The following ST8SIA2 variants were observed in gnomAD, a reference collection of about 807,000 sequenced individuals.
ST8SIA2 encodes the protein alpha-2,8-sialyltransferase 8B.
A neutral mutation model predicts 37.6 loss-of-function variants in ST8SIA2; 22 were observed. The ratio of observed to expected loss-of-function variants is 0.58; its 90% CI spans 0.42 to 0.83. The LOEUF (loss-of-function observed/expected upper bound fraction) is 0.83, where lower values mean the gene tolerates loss of function less well. ST8SIA2 is among the 40% of genes least tolerant of loss of function. The pLI is 0.00. For synonymous variants in ST8SIA2, 205 were observed against 201.2 expected (o/e 1.02, Z -0.16); for missense variants, 382 against 484.7 (o/e 0.79, Z 1.99).
At chr15:92,438,208 T>C in intron 3 of ST8SIA2, 145 bp from the exon 4 acceptor site, 1 of 1,239,134 alleles carries the variant, frequency 8.1e-7, no homozygotes, top group Non-Finnish European at 1.2e-6. Flanking sequence ...GAACCTGTTC[T>C]CGAGGGCATC....
intron 4 of ST8SIA2, among the ~76,000 whole-genome samples, chr15:92,443,212 T>C (rs1047796523): frequency 6.6e-6 from 1 of 152,178 alleles, no homozygotes; most frequent in African/African-American, 2.4e-5. Flanking sequence ...ATTTTTACAC[T>C]CTTAACTGGA....
intron 4 of ST8SIA2, among the ~76,000 whole-genome samples, chr15:92,441,577 GCACACACACACACACACACACACACACA>G (rs112388744): frequency 1.4e-5 from 2 of 143,364 alleles, no homozygotes; most frequent in South Asian, 2.4e-4. Context: ...CACTGTGCAT[GCACACACACACACACACACACACACACA>G]CACACACACA....
intron 1 of ST8SIA2, among the ~76,000 whole-genome samples, chr15:92,420,108 G>A (rs1285435496): frequency 1.3e-5 from 2 of 152,128 alleles, no homozygotes; most frequent in Non-Finnish European, 2.9e-5. Context: ...TTCGTGATCT[G>A]CCTGCCTTGG....
At chr15:92,419,863 T>C (rs776922130) in intron 1 of ST8SIA2, among the ~76,000 whole-genome samples, 1 of 152,152 alleles carries the variant, frequency 6.6e-6, no homozygotes. Context: ...CTGTTTTTTG[T>C]TGTTGCTTTG....
chr15:92,399,864 G>A (rs1210521707), intron 1 of ST8SIA2, among the ~76,000 whole-genome samples: 6 of 152,228 alleles, frequency 3.9e-5, no homozygotes, highest in Admixed American at 3.9e-4. Context: ...TGGAAATGTT[G>A]TAGATTGCAA....
At chr15:92,448,385 C>T (rs1415337871) in intron 5 of ST8SIA2, among the ~76,000 whole-genome samples, 4 of 152,148 alleles carry the variant, frequency 2.6e-5, no homozygotes, top group East Asian at 1.9e-4. Flanking sequence ...TGGGACCTTA[C>T]CTGGTGTTCA....
At chr15:92,448,377 G>A (rs963970666) in intron 5 of ST8SIA2, among the ~76,000 whole-genome samples, 6 of 152,214 alleles carry the variant, frequency 3.9e-5, no homozygotes, top group African/African-American at 1.4e-4. Flanking sequence ...TGCCTTGGTG[G>A]GACCTTACCT....
intron 1 of ST8SIA2, among the ~76,000 whole-genome samples, chr15:92,411,173 G>A (rs2049545997): frequency 6.6e-6 from 1 of 152,184 alleles, no homozygotes. Flanking sequence ...GAAATTGTAG[G>A]CATTTTTCTG....
rs938549457 is a variant in ST8SIA2, at chr15:92,467,559, G to C, written c.*3174G>C. The C allele has an allele frequency of 6.6e-6, 1 of 152,500 alleles. No individual in the cohort carries two copies. Among genetic ancestry groups the C allele is most frequent in the Non-Finnish European group, 1.5e-5 (1 of 68,116 alleles). 9.4% of individuals were successfully genotyped at this position (152,500 alleles called of 1,614,324 possible). On this transcript the variant is annotated 3_prime_UTR_variant, in exon 6 of 6. Transcript: ENST00000268164. ...GGCACCCAGAATGCCACATTCTTGTGTTTTTTTCCTCCTTCTTTCCCAATC... is the reference window on the plus strand; with the variant it reads ...GGCACCCAGAATGCCACATTCTTGTCTTTTTTTCCTCCTTCTTTCCCAATC...
intron 5 of ST8SIA2, among the ~76,000 whole-genome samples, chr15:92,462,199 G>A (rs913756327): frequency 2.0e-4 from 31 of 152,210 alleles, no homozygotes; most frequent in Non-Finnish European, 4.4e-4. Context: ...TCGAAGGGGA[G>A]ATTCAAGTCA....
chr15:92,459,676 T>C (rs2049944072), intron 5 of ST8SIA2, among the ~76,000 whole-genome samples: 1 of 152,146 alleles, frequency 6.6e-6, no homozygotes, highest in Non-Finnish European at 1.5e-5. Context: ...CTTGTTTCAC[T>C]GCAACCTCTG....
intron 5 of ST8SIA2, among the ~76,000 whole-genome samples, chr15:92,456,284 C>T (rs1325047877): frequency 6.6e-6 from 1 of 152,238 alleles, no homozygotes; most frequent in African/African-American, 2.4e-5. Context: ...CTGGCAGCTG[C>T]CTAAAAGGGC....
In ST8SIA2 at chr15:92,430,047, A is replaced by G. The variant is rs1164542865; in HGVS notation, c.99-2A>G. ...AAATAATGCATTTCCTTTGTCTTGC[A>G]GGAATTCGGGAGGCAGAGGTACAAT... On this transcript the variant is annotated splice_acceptor_variant, in intron 1 of 5. Coordinates refer to ENST00000268164, the MANE Select transcript of ST8SIA2 (RefSeq NM_006011.4). LOFTEE classifies it high-confidence loss of function. 1 of 1,614,170 alleles carries G rather than the reference A, an allele frequency of 6.2e-7. No homozygotes were observed. The highest frequency in any genetic ancestry group is 8.5e-7 in the Non-Finnish European group (1 of 1,180,026).
chr15:92,421,715 C>T (rs536405752), intron 1 of ST8SIA2, among the ~76,000 whole-genome samples: 30 of 152,274 alleles, frequency 2.0e-4, no homozygotes, highest in Middle Eastern at 3.4e-3. Flanking sequence ...TGAAAAGTTC[C>T]CCAGTGCTTT....
intron 1 of ST8SIA2, among the ~76,000 whole-genome samples, chr15:92,410,329 A>C (rs1596231644): frequency 6.6e-6 from 1 of 152,246 alleles, no homozygotes; most frequent in African/African-American, 2.4e-5. Flanking sequence ...AAAAGAAAAG[A>C]AAGCTGCTAT....
chr15:92,459,011 G>A (rs2049939092), intron 5 of ST8SIA2, among the ~76,000 whole-genome samples: 1 of 152,140 alleles, frequency 6.6e-6, no homozygotes, highest in African/African-American at 2.4e-5. Context: ...GGGATCAGTG[G>A]GGAAAGGCAT....
Position 92,464,081 on chromosome 15 carries a change from T to TTC in ST8SIA2, c.843-18_843-17insCT. 1 of 1,504,718 alleles carries TTC rather than the reference T, an allele frequency of 6.6e-7. No homozygotes were observed. The highest frequency in any genetic ancestry group is 2.5e-5 in the East Asian group (1 of 40,604). The allele number at this position is 1,504,718 out of a possible 1,614,324, so 93.2% of individuals were successfully genotyped here. A position where few individuals can be genotyped will look rare whatever the true frequency, so the allele number is the denominator to read the frequency against. Reference sequence around the variant, plus strand: ...GACCCATGTTTCTTTTCTTTTTTTTTTTTTTTTTTTTTTTCCAGATACTGG... The same window carrying TTC: ...GACCCATGTTTCTTTTCTTTTTTTTTTCTTTTTTTTTTTTTTCCAGATACTGG... On this transcript the variant is annotated intron_variant, in intron 5 of 5. Coordinates refer to ENST00000268164, the MANE Select transcript of ST8SIA2 (RefSeq NM_006011.4).
At chr15:92,423,874 A>C (rs2049655184) in intron 1 of ST8SIA2, among the ~76,000 whole-genome samples, 1 of 152,230 alleles carries the variant, frequency 6.6e-6, no homozygotes, top group Admixed American at 6.5e-5. Flanking sequence ...CCACGATTTT[A>C]AAAATTGGGA....
chr15:92,434,193 C>G, intron 2 of ST8SIA2, 54 bp from the exon 3 acceptor site: 2 of 1,610,540 alleles, frequency 1.2e-6, no homozygotes, highest in Non-Finnish European at 1.7e-6. Context: ...TTAGACTTGT[C>G]GTCGGCTTGC....
Sources: gnomAD v4.1 joint callset for allele counts (sites outside exome capture counted in the v4.1 genomes callset) on GRCh38, gnomAD v4.1.1 for gene constraint, MANE v1.5 for transcripts, NCBI Gene and HGNC (gene_info 2026-07-23, HGNC 2026-07-21) for gene names.